Variants in ARSF observed in about 807,000 individuals in gnomAD.
ARSF encodes the protein arylsulfatase F.
In ARSF, 33 loss-of-function variants were observed where a neutral mutation model predicts 35.4. That is an observed-to-expected ratio of 0.93 (90% CI 0.71 to 1.25). The LOEUF (loss-of-function observed/expected upper bound fraction) is 1.25, where lower values mean the gene tolerates loss of function less well. Among genes scored for constraint, ARSF ranks in the 50% most tolerant of loss-of-function variants. The pLI is 0.00. For missense variants in ARSF, 501 were observed against 480.2 expected, an observed-to-expected ratio of 1.04 and a Z score of -0.40; for synonymous variants, 222 against 193.1, an observed-to-expected ratio of 1.15 and a Z score of -1.24.
chrX:3,103,637 T>G lies in ARSF; in HGVS notation c.1103-125T>G, dbSNP rs185545618. 26 of 804,135 alleles carry G rather than the reference T, an allele frequency of 3.2e-5. No homozygotes were observed. In the East Asian group the frequency reaches 8.7e-4, roughly 27 times the overall value. The allele number at this position is 804,135 out of a possible 1,213,427, so 66.3% of individuals were successfully genotyped here. A position where few individuals can be genotyped will look rare whatever the true frequency, so the allele number is the denominator to read the frequency against. ...CGTGCACTACTTACCCCACTAGGACTCTACATAGAGTAGACACTATACAAA... is the reference window on the plus strand; with the variant it reads ...CGTGCACTACTTACCCCACTAGGACGCTACATAGAGTAGACACTATACAAA... On this transcript the variant is annotated intron_variant, in intron 8 of 10. Transcript: ENST00000381127.
chrX:3,105,430 T>A (rs190380945), intron 9 of ARSF, among the ~76,000 whole-genome samples: 26 of 112,456 alleles, frequency 2.3e-4, no homozygotes, highest in African/African-American at 7.4e-4. Flanking sequence ...TTGATGATGC[T>A]AACACAGGAA....
At chrX:3,103,363 T>C (rs193067730) in intron 8 of ARSF, among the ~76,000 whole-genome samples, 54 of 111,159 alleles carry the variant, frequency 4.9e-4, no homozygotes, top group Admixed American at 2.6e-3. Context: ...CACGCCTCAT[T>C]GAGGTTACTG....
chrX:3,066,312 C>G (rs931433292), intron 1 of ARSF, among the ~76,000 whole-genome samples: 5 of 111,468 alleles, frequency 4.5e-5, no homozygotes, highest in Admixed American at 2.9e-4. Flanking sequence ...TGTTGACGAA[C>G]AGCACACCTG....
At chrX:3,101,300 A>G (rs1771387794) in intron 8 of ARSF, 79 bp downstream of exon 8, 1 of 1,072,169 alleles carries the variant, frequency 9.3e-7, no homozygotes, top group Admixed American at 2.6e-5. Context: ...CCCATGACAC[A>G]AAGGAATGAG....
intron 1 of ARSF, among the ~76,000 whole-genome samples, chrX:3,067,104 C>T (rs188251693): frequency 0.066 from 7,088 of 108,192 alleles, 305 homozygotes; most frequent in African/African-American, 0.16. Context: ...TCCCTCCCTC[C>T]CTTCCTTTTT....
intron 1 of ARSF, among the ~76,000 whole-genome samples, chrX:3,057,401 T>C (rs1205146067): frequency 9.0e-6 from 1 of 111,470 alleles, no homozygotes; most frequent in African/African-American, 3.3e-5. Flanking sequence ...TCTGATTCTC[T>C]TTCGGTGAGA....
intron 5 of ARSF, 22 bp from the exon 6 acceptor site, chrX:3,084,221 G>A (rs2090227018): frequency 8.3e-7 from 1 of 1,203,346 alleles, no homozygotes; most frequent in Non-Finnish European, 1.1e-6. Context: ...ATGCGTAGAT[G>A]TGTTTGTGTG....
At chrX:3,110,621 G>T (rs762924086) in intron 10 of ARSF, among the ~76,000 whole-genome samples, 1 of 112,439 alleles carries the variant, frequency 8.9e-6, no homozygotes, top group East Asian at 2.8e-4. Context: ...TTTTAGTCAG[G>T]TGTGGTGGAT....
intron 6 of ARSF, among the ~76,000 whole-genome samples, chrX:3,088,474 A>G (rs768370814): frequency 1.8e-5 from 2 of 111,789 alleles, no homozygotes; most frequent in Non-Finnish European, 3.8e-5. Flanking sequence ...GTAACATACC[A>G]ATACACTGAG....
chrX:3,093,022 C>A (rs867244122), intron 7 of ARSF, among the ~76,000 whole-genome samples: 2,849 of 110,667 alleles, frequency 0.026, 137 homozygotes, highest in African/African-American at 0.091. Context: ...TATACAAACA[C>A]ATCCGTGGTG....
At chrX:3,108,961 A>G (rs1162008715) in intron 9 of ARSF, among the ~76,000 whole-genome samples, 2 of 111,202 alleles carry the variant, frequency 1.8e-5, no homozygotes, top group Non-Finnish European at 3.8e-5. Flanking sequence ...GGTTGCATTG[A>G]GCCGAGATCG....
chrX:3,076,199 T>C (rs2090147786), intron 3 of ARSF, among the ~76,000 whole-genome samples: 1 of 108,215 alleles, frequency 9.2e-6, no homozygotes, highest in African/African-American at 3.4e-5. Flanking sequence ...CTCTCCTTTT[T>C]TCTGTTTGTC....
In ARSF at chrX:3,054,063, A is replaced by G. The variant is rs191762503; in HGVS notation, c.-29+12400A>G. The stretch of plus-strand genomic sequence containing the variant: ...AGGCATGAGCCACTGCACCCAGCCT[A>G]CCTACTGGACTTTTTTTCGGAGACA... On this transcript the variant is annotated intron_variant, in intron 1 of 10. Coordinates refer to ENST00000381127, the MANE Select transcript of ARSF (RefSeq NM_001201539.2). Among the ~76,000 whole-genome samples the G allele has an allele frequency of 1.8e-3, 200 of 111,006 alleles. 2 individuals carry two copies. Among genetic ancestry groups the G allele is most frequent in the African/African-American group, 6.1e-3 (185 of 30,550 alleles).
intron 1 of ARSF, among the ~76,000 whole-genome samples, chrX:3,051,700 G>A (rs890806180): frequency 9.0e-6 from 1 of 111,617 alleles, no homozygotes; most frequent in Non-Finnish European, 1.9e-5. Context: ...GCTTGACTGA[G>A]GTTAAAAATT....
At chrX:3,111,300 T>A (rs1193418340) in intron 10 of ARSF, among the ~76,000 whole-genome samples, 1 of 111,443 alleles carries the variant, frequency 9.0e-6, no homozygotes, top group Admixed American at 9.5e-5. Context: ...AGAAAATGAG[T>A]TTATGACCCA....
At chrX:3,086,521 A>T (rs1298891641) in intron 6 of ARSF, among the ~76,000 whole-genome samples, 1 of 112,336 alleles carries the variant, frequency 8.9e-6, no homozygotes, top group Admixed American at 9.5e-5. Context: ...AGTTGCTATA[A>T]CAAATCACTA....
intron 5 of ARSF, among the ~76,000 whole-genome samples, chrX:3,081,549 C>T (rs778705681): frequency 9.0e-6 from 1 of 111,101 alleles, no homozygotes; most frequent in Non-Finnish European, 1.9e-5. Context: ...GTTGGCCAGG[C>T]TGGTCTTGAA....
At chrX:3,051,064 G>T (rs1220442493) in intron 1 of ARSF, among the ~76,000 whole-genome samples, 3 of 111,287 alleles carry the variant, frequency 2.7e-5, no homozygotes, top group African/African-American at 9.8e-5. Flanking sequence ...GACATTCCTG[G>T]TGGGGCTGGG....
chrX:3,092,122 A>T (rs1303950055), intron 7 of ARSF, among the ~76,000 whole-genome samples: 1 of 110,417 alleles, frequency 9.1e-6, no homozygotes, highest in Non-Finnish European at 1.9e-5. Context: ...TAGATAGATG[A>T]TAGGATAGAT....
Sources: allele counts gnomAD v4.1 joint callset (sites outside exome capture counted in the v4.1 genomes callset), GRCh38; gene constraint gnomAD v4.1.1; transcripts MANE v1.5; gene names NCBI Gene and HGNC (gene_info 2026-07-23, HGNC 2026-07-21).